The following TMEM117 variants were observed in gnomAD, a reference collection of about 807,000 sequenced individuals.
The protein encoded by TMEM117 is transmembrane protein 117.
TMEM117 carries 27 observed loss-of-function variants against 52.4 expected under a neutral mutation model. That is an observed-to-expected ratio of 0.51 (90% CI 0.38 to 0.71). The LOEUF (loss-of-function observed/expected upper bound fraction) is 0.71. TMEM117 is among the 30% of genes least tolerant of loss of function. The pLI is 0.00. For synonymous variants in TMEM117, 215 were observed against 206.3 expected, an observed-to-expected ratio of 1.04 and a Z score of -0.36; for missense variants, 556 against 630.5, an observed-to-expected ratio of 0.88 and a Z score of 1.26.
the TMEM117 span, among the ~76,000 whole-genome samples, chr12:43,815,865 G>C: frequency 6.6e-6 from 1 of 152,214 alleles, no homozygotes; most frequent in Non-Finnish European, 1.5e-5. Context: ...AGGGCAGGAA[G>C]GCAGTGCAAG....
chr12:44,257,780 TATATC>T (rs1224758247), intron 5 of TMEM117, among the ~76,000 whole-genome samples: 1 of 152,142 alleles, frequency 6.6e-6, no homozygotes, highest in Non-Finnish European at 1.5e-5. Context: ...CGAACAAAAA[TATATC>T]ATATGCAATA....
intron 3 of TMEM117, among the ~76,000 whole-genome samples, chr12:43,959,862 C>G (rs1211278180): frequency 6.6e-6 from 1 of 152,122 alleles, no homozygotes; most frequent in Non-Finnish European, 1.5e-5. Context: ...AAGCTACCAA[C>G]TGTAGCAAAT....
At chr12:44,020,464 T>C (rs1351306851) in intron 3 of TMEM117, among the ~76,000 whole-genome samples, 1 of 152,218 alleles carries the variant, frequency 6.6e-6, no homozygotes, top group Non-Finnish European at 1.5e-5. Flanking sequence ...TTCTCGTGTA[T>C]TGTTACTGTC....
At chr12:44,277,963 C>T (rs1183630559) in intron 5 of TMEM117, among the ~76,000 whole-genome samples, 3 of 151,862 alleles carry the variant, frequency 2.0e-5, no homozygotes, top group African/African-American at 7.3e-5. Context: ...GGGGTTTCAC[C>T]ATGTTGGTCA....
Position 43,965,276 on chromosome 12 carries a change from A to G in TMEM117, c.410+20934A>G, listed in dbSNP as rs115294593. 4.9e-3 allele frequency among the ~76,000 whole-genome samples: 743 copies of G among 152,338 alleles called. 5 individuals are homozygous for G. The highest frequency in any genetic ancestry group is 0.017 in the African/African-American group (716 of 41,584). On this transcript the variant is annotated intron_variant, in intron 3 of 7. Coordinates refer to ENST00000266534, the MANE Select transcript of TMEM117 (RefSeq NM_032256.3). ...AAGGAAAAGAATTAAGTTGAGCCTT[A>G]TCTTGACATTTTCTGAGCAGAGCCC...
chr12:44,147,460 C>T (rs1948659419), intron 4 of TMEM117, among the ~76,000 whole-genome samples: 1 of 152,158 alleles, frequency 6.6e-6, no homozygotes. Context: ...AGAAGAAGCA[C>T]TTCTGCTGAT....
intron 6 of TMEM117, among the ~76,000 whole-genome samples, chr12:44,345,270 G>A (rs1951470270): frequency 6.6e-6 from 1 of 151,928 alleles, no homozygotes; most frequent in Non-Finnish European, 1.5e-5. Flanking sequence ...TGAGGGTATT[G>A]TGTTGGCTCT....
At chr12:44,091,734 G>T (rs1275320114) in intron 3 of TMEM117, among the ~76,000 whole-genome samples, 2 of 152,158 alleles carry the variant, frequency 1.3e-5, no homozygotes, top group Non-Finnish European at 2.9e-5. Context: ...CTTTGGAAAG[G>T]ACAGTATTCT....
At chr12:44,359,645 G>A (rs1951695972) in intron 6 of TMEM117, among the ~76,000 whole-genome samples, 1 of 151,952 alleles carries the variant, frequency 6.6e-6, no homozygotes, top group Non-Finnish European at 1.5e-5. Context: ...TTATGCATAT[G>A]GATCTTTTAT....
intron 3 of TMEM117, among the ~76,000 whole-genome samples, chr12:44,091,568 C>T (rs1161519342): frequency 3.3e-5 from 5 of 152,076 alleles, no homozygotes; most frequent in African/African-American, 4.8e-5. Flanking sequence ...CAGCGTGCCA[C>T]TAAGGAAGGG....
intron 2 of TMEM117, among the ~76,000 whole-genome samples, chr12:43,939,324 T>C (rs984415592): frequency 2.6e-5 from 4 of 152,202 alleles, no homozygotes; most frequent in Admixed American, 6.5e-5. Flanking sequence ...ACAGTAGTGT[T>C]AATTTCAGTT....
At chr12:44,383,225 A>C (rs1952044201) in intron 7 of TMEM117, among the ~76,000 whole-genome samples, 1 of 152,184 alleles carries the variant, frequency 6.6e-6, no homozygotes, top group Admixed American at 6.5e-5. Context: ...AAAAGATTAA[A>C]AATATTATAT....
chr12:43,860,557 A>G (rs1943471331), intron 2 of TMEM117, among the ~76,000 whole-genome samples: 1 of 152,200 alleles, frequency 6.6e-6, no homozygotes, highest in Non-Finnish European at 1.5e-5. Flanking sequence ...GAGGAAGATG[A>G]AGGAACAACC....
intron 3 of TMEM117, among the ~76,000 whole-genome samples, chr12:44,011,679 T>TACATAG (rs1946292352): frequency 8.3e-6 from 1 of 120,750 alleles, no homozygotes; most frequent in African/African-American, 4.6e-5. Context: ...TACATACATA[T>TACATAG]GTATGACCAA....
intron 4 of TMEM117, among the ~76,000 whole-genome samples, chr12:44,160,582 T>C (rs1948885537): frequency 6.6e-6 from 1 of 152,160 alleles, no homozygotes; most frequent in Admixed American, 6.6e-5. Flanking sequence ...GGTGGGAGGA[T>C]TGCTTGAAGC....
intron 2 of TMEM117, among the ~76,000 whole-genome samples, chr12:43,881,829 T>C (rs1354538521): frequency 1.5e-5 from 2 of 136,570 alleles, no homozygotes; most frequent in Non-Finnish European, 3.1e-5. Flanking sequence ...GCACAGTGGC[T>C]CATGCCTGTA....
the TMEM117 span, among the ~76,000 whole-genome samples, chr12:44,395,233 A>G: frequency 6.6e-6 from 1 of 152,206 alleles, no homozygotes; most frequent in Non-Finnish European, 1.5e-5. Context: ...TTGAACTTCA[A>G]ATACACTAGA....
At chr12:44,176,358 T>C (rs1404798628) in intron 4 of TMEM117, among the ~76,000 whole-genome samples, 5 of 152,188 alleles carry the variant, frequency 3.3e-5, no homozygotes, top group Non-Finnish European at 7.4e-5. Context: ...AACGAGTGAA[T>C]AATACATCTC....
rs1949654232 is a variant in TMEM117, at chr12:44,212,125, G to C, written c.608+738G>C. ...CTTATCTATGGTTTTGCTTTCCCTGGTTTCAGTTACCCTTGGTCGACTGCA... is the reference window on the plus strand; with the variant it reads ...CTTATCTATGGTTTTGCTTTCCCTGCTTTCAGTTACCCTTGGTCGACTGCA... On this transcript the variant is annotated intron_variant, in intron 5 of 7. Coordinates refer to ENST00000266534, the MANE Select transcript of TMEM117 (RefSeq NM_032256.3). 2.0e-5 allele frequency among the ~76,000 whole-genome samples: 3 copies of C among 152,200 alleles called. No homozygotes were observed. The South Asian group carries it at 6.2e-4, about 32-fold the overall frequency.
Sources: gnomAD v4.1 joint callset for allele counts (sites outside exome capture counted in the v4.1 genomes callset) on GRCh38, gnomAD v4.1.1 for gene constraint, MANE v1.5 for transcripts, NCBI Gene and HGNC (gene_info 2026-07-23, HGNC 2026-07-21) for gene names.